EEF1D: variants seen among roughly 807,000 people sequenced by gnomAD.
EEF1D encodes eukaryotic translation elongation factor 1 delta.
A neutral mutation model predicts 63.9 loss-of-function variants in EEF1D; 47 were observed. That is an observed-to-expected ratio of 0.74 (90% confidence interval 0.58 to 0.94). The LOEUF (loss-of-function observed/expected upper bound fraction) is 0.94, where lower values mean the gene tolerates loss of function less well. Ranked by LOEUF, EEF1D falls within the 40% of genes least tolerant of loss-of-function variation. EEF1D has a pLI of 0.00. For synonymous variants in EEF1D, 412 were observed against 386.1 expected (o/e 1.07, Z -0.79); for missense variants, 907 against 899.0 (o/e 1.01, Z -0.11).
Position 143,589,483 on chromosome 8 carries a change from C to T in EEF1D, c.599G>A (p.Gly200Asp). 6.5e-7 allele frequency: 1 copy of T among 1,530,234 alleles called. No individual in the cohort carries two copies. Among genetic ancestry groups the T allele is most frequent in the Admixed American group, 2.0e-5 (1 of 49,558 alleles). 94.8% of individuals were successfully genotyped at this position (1,530,234 alleles called of 1,614,324 possible). ...GSRRQGTPNT[G>D]QQVAVPDLAH... Reference sequence around the variant, plus strand: ...CAGGTCGGGGACGGCCACCTGCTGGCCTGTGTTGGGAGTCCCCTGCCTGCG... The same window carrying T: ...CAGGTCGGGGACGGCCACCTGCTGGTCTGTGTTGGGAGTCCCCTGCCTGCG... The change falls in exon 3 of 10, where the codon GGC becomes GAC. Residue 200 changes from glycine (G) to aspartate (D), a missense_variant. Coordinates refer to ENST00000618139, the MANE Select transcript of EEF1D (RefSeq NM_001130053.5).
At chr8:143,590,953 G>C (rs1316848989) in intron 2 of EEF1D, 1 of 152,376 alleles carries the variant, frequency 6.6e-6, no homozygotes, top group Non-Finnish European at 1.5e-5. Context: ...TCCCCAGGAG[G>C]GGGCCAGGTG....
intron 1 of EEF1D, chr8:143,597,129 G>A (rs112147940): frequency 0.075 from 11,412 of 152,142 alleles, 542 homozygotes; most frequent in African/African-American, 0.13. Context: ...CCGTCCCGCG[G>A]ACGCCCTCCA....
At chr8:143,593,675 G>T (rs1198550158) in intron 1 of EEF1D, among the ~76,000 whole-genome samples, 1 of 152,144 alleles carries the variant, frequency 6.6e-6, no homozygotes, top group African/African-American at 2.4e-5. Context: ...GGGATCTTGG[G>T]TGGGCTTCCC....
Position 143,581,110 on chromosome 8 carries a change from G to C in EEF1D, c.1432C>G (p.Leu478Val), listed in dbSNP as rs750059572. The C allele has an allele frequency of 6.8e-6, 11 of 1,612,762 alleles. No homozygotes were observed. In the African/African-American group the frequency reaches 1.3e-4, roughly 20 times the overall value. The part of the protein sequence containing the change: ...QQAISKLEAR[L>V]NVLEKSSPGH... ...GGCGAGCTCTTCTCCAGCACGTTCA[G>C]CCGGGCCTCCAGCTTGGAGATGGCC... The change falls in exon 7 of 10, where the codon CTG becomes GTG. Residue 478 changes from leucine (L) to valine (V), a missense_variant. Transcript: ENST00000618139.
intron 2 of EEF1D, chr8:143,591,982 C>T (rs746045158): frequency 1.8e-5 from 17 of 964,226 alleles, no homozygotes; most frequent in Non-Finnish European, 2.0e-5. Context: ...GCAACAAGTT[C>T]TAATGGCACC....
chr8:143,589,465 G>A lies in EEF1D; in HGVS notation c.617C>T (p.Pro206Leu). The A allele has an allele frequency of 6.5e-7, 1 of 1,529,706 alleles. No homozygotes were observed. The highest frequency in any genetic ancestry group is 1.2e-5 in the South Asian group (1 of 81,148). 94.8% of individuals were successfully genotyped at this position (1,529,706 alleles called of 1,614,324 possible). Residue 206 changes from proline to leucine, a missense_variant, in exon 3 of 10, where the codon CCC becomes CTC. Pro to Leu is a moderately conservative substitution (Grantham distance 98). Coordinates refer to ENST00000618139, the MANE Select transcript of EEF1D (RefSeq NM_001130053.5). ...TGGGCTGGGCTGGTGGGCCAGGTCG[G>A]GGACGGCCACCTGCTGGCCTGTGTT... ...TPNTGQQVAV[P>L]DLAHQPSPPV...
chr8:143,586,399 G>T, intron 4 of EEF1D, 109 bp from the exon 5 acceptor site: 1 of 1,069,088 alleles, frequency 9.4e-7, no homozygotes, highest in Non-Finnish European at 1.3e-6. Context: ...CAGCAAGAAA[G>T]TACTGCACAG....
chr8:143,580,822 C>G, intron 7 of EEF1D, 95 bp from the exon 8 acceptor site: 1 of 1,433,014 alleles, frequency 7.0e-7, no homozygotes, highest in Non-Finnish European at 9.7e-7. Flanking sequence ...CCTCCTTTGA[C>G]TGGAGGAAGG....
chr8:143,588,908 G>A, intron 3 of EEF1D, 83 bp downstream of exon 3: 2 of 1,486,256 alleles, frequency 1.3e-6, no homozygotes, highest in Non-Finnish European at 1.8e-6. Context: ...GGCAGGGGAG[G>A]AAGCTGGAGG....
intron 7 of EEF1D, 74 bp downstream of exon 7, chr8:143,580,980 A>G: frequency 1.3e-6 from 2 of 1,508,862 alleles, no homozygotes; most frequent in Non-Finnish European, 1.8e-6. Context: ...TGCTGGGGCC[A>G]GCCCACAGGG....
rs1034867412 is a variant in EEF1D at position 143,580,569 on chromosome 8, C to T, written c.1647G>A (p.Ala549=). 2.6e-5 allele frequency: 42 copies of T among 1,613,232 alleles called. No homozygotes were observed. Among genetic ancestry groups the T allele is most frequent in the Non-Finnish European group, 3.3e-5 (39 of 1,179,870 alleles). Residue 549 remains alanine, a synonymous_variant, in exon 8 of 10, where the codon GCG becomes GCA. Transcript: ENST00000618139. ...GTGCAGGCTTCTTGGCCTTCTTCTCCGCGTACTGCCGTAGCCGCTCCTCCC... is the reference window on the plus strand; with the variant it reads ...GTGCAGGCTTCTTGGCCTTCTTCTCTGCGTACTGCCGTAGCCGCTCCTCCC... ...QLREERLRQY[A]EKKAKKPALV...
chr8:143,580,682 C>G lies in EEF1D; in HGVS notation c.1534G>C (p.Ala512Pro). 6.2e-7 allele frequency: 1 copy of G among 1,613,906 alleles called. No individual in the cohort carries two copies. The highest frequency in any genetic ancestry group is 2.2e-5 in the East Asian group (1 of 44,894). Residue 512 changes from alanine (A) to proline (P), a missense_variant, in exon 8 of 10, where the codon GCC (alanine) becomes CCC (proline). Physicochemically the swap from Ala to Pro is conservative, Grantham distance 27. Coordinates refer to ENST00000618139, the MANE Select transcript of EEF1D (RefSeq NM_001130053.5). ...RQVEPPAKKP[A>P]TPAEDDEDDD... ...TCCTCGTCATCCTCTGCTGGTGTGG[C>G]TGGCTTCTTGGCTGGGGGCTCCACT...
Position 143,588,896 on chromosome 8 carries a change from T to A in EEF1D, c.1091+95A>T. The A allele has an allele frequency of 2.8e-6, 4 of 1,448,674 alleles. No homozygotes were observed. The South Asian group carries it at 5.4e-5, about 20-fold the overall frequency. The allele number at this position is 1,448,674 out of a possible 1,614,324, so 89.7% of individuals were successfully genotyped here. On this transcript the variant is annotated intron_variant, in intron 3 of 9. Transcript: ENST00000618139. ...GGTCTCGGGGAGCCCCCACCCCAGG[T>A]GGGCAGGGGAGGAAGCTGGAGGAGC...
At position 143,586,807 on chromosome 8, in the gene EEF1D, G is replaced by T. The variant is rs149825864; in HGVS notation, c.1137C>A (p.Phe379Leu). ...CTGCGTCGTCATATTTGAACTTGTC[G>T]AACCAGATCTTCTCATGTGCTAGGA... ...TNFLAHEKIW[F>L]DKFKYDDAER... The change falls in exon 4 of 10, where the codon TTC (phenylalanine) becomes TTA (leucine). Residue 379 changes from phenylalanine (F) to leucine (L), a missense_variant. Coordinates refer to ENST00000618139, the MANE Select transcript of EEF1D (RefSeq NM_001130053.5). 4 of 1,614,182 alleles carry T rather than the reference G, an allele frequency of 2.5e-6. No individual in the cohort carries two copies. Among genetic ancestry groups the T allele is most frequent in the Non-Finnish European group, 3.4e-6 (4 of 1,180,024 alleles).
intron 5 of EEF1D, chr8:143,581,641 G>A (rs1825585479): frequency 2.1e-6 from 1 of 470,202 alleles, no homozygotes; most frequent in Non-Finnish European, 3.8e-6. Context: ...GAGGCTGGGT[G>A]GGAGGTGCTG....
intron 5 of EEF1D, chr8:143,583,677 G>C (rs933069876): frequency 6.7e-6 from 1 of 149,772 alleles, no homozygotes; most frequent in African/African-American, 2.5e-5. Context: ...TTATGGCCCG[G>C]GAGCCAGCAC....
In EEF1D at chr8:143,589,292, G is replaced by C; in HGVS notation, c.790C>G (p.Arg264Gly). 1 of 1,585,460 alleles carries C rather than the reference G, an allele frequency of 6.3e-7. No individual in the cohort carries two copies. Among genetic ancestry groups the C allele is most frequent in the Non-Finnish European group, 8.6e-7 (1 of 1,165,228 alleles). The change falls in exon 3 of 10, where the codon CGA (arginine) becomes GGA (glycine). Residue 264 changes from arginine (R) to glycine (G), a missense_variant. Physicochemically the swap from Arg to Gly is moderately radical, Grantham distance 125. Coordinates refer to ENST00000618139, the MANE Select transcript of EEF1D (RefSeq NM_001130053.5). Reference protein sequence around the residue: ...HPPGKVRLQERAGLAEGARRG... With the variant: ...HPPGKVRLQEGAGLAEGARRG... ...CGGGCACCCTCGGCCAGGCCGGCTC[G>C]CTCTTGCAGGCGCACCTTCCCTGGG...
intron 5 of EEF1D, among the ~76,000 whole-genome samples, chr8:143,585,234 G>T (rs1405673651): frequency 6.6e-6 from 1 of 152,160 alleles, no homozygotes; most frequent in African/African-American, 2.4e-5. Flanking sequence ...GATCCTGGGG[G>T]CCCAAAGCAA....
chr8:143,591,375 G>C (rs549752768), intron 2 of EEF1D, among the ~76,000 whole-genome samples: 2 of 152,284 alleles, frequency 1.3e-5, no homozygotes, highest in African/African-American at 4.8e-5. Flanking sequence ...GATCCTGCCG[G>C]GGGCACGCTC....
Sources: allele counts gnomAD v4.1 joint callset (sites outside exome capture counted in the v4.1 genomes callset), GRCh38; gene constraint gnomAD v4.1.1; transcripts MANE v1.5; gene names NCBI Gene and HGNC (gene_info 2026-07-23, HGNC 2026-07-21).